The following MMP16 variants were observed in gnomAD, a reference collection of about 807,000 sequenced individuals.
The protein encoded by MMP16 is matrix metallopeptidase 16.
A neutral mutation model predicts 67.8 loss-of-function variants in MMP16; 12 were observed. That is an observed-to-expected ratio of 0.18 (90% CI 0.11 to 0.29). The LOEUF is 0.29. Among genes scored for constraint, MMP16 ranks in the 10% least tolerant of loss-of-function variants. The probability of loss-of-function intolerance (pLI) is 1.00; values close to 1 mark genes in which losing one functional copy is unlikely to be tolerated. For missense variants in MMP16, 475 were observed against 765.7 expected, an observed-to-expected ratio of 0.62 and a Z score of 4.48; for synonymous variants, 249 against 255.9, an observed-to-expected ratio of 0.97 and a Z score of 0.26.
At position 88,036,122 on chromosome 8, in the gene MMP16, T is replaced by G. The variant is rs146895219; in HGVS notation, c.*5339A>C. 4 of 152,054 alleles carry G rather than the reference T, an allele frequency of 2.6e-5. No individual in the cohort carries two copies. Among genetic ancestry groups the G allele is most frequent in the African/African-American group, 9.6e-5 (4 of 41,568 alleles). 9.4% of individuals were successfully genotyped at this position (152,054 alleles called of 1,614,324 possible). A position where few individuals can be genotyped will look rare whatever the true frequency, so the allele number is the denominator to read the frequency against. On this transcript the variant is annotated 3_prime_UTR_variant, in exon 10 of 10. Coordinates refer to ENST00000286614, the MANE Select transcript of MMP16 (RefSeq NM_005941.5). ...TCTCAGGGGATTCTAACATTATATATCTTTCCAACTTGAGGTTACTGAACA... is the reference window on the plus strand; with the variant it reads ...TCTCAGGGGATTCTAACATTATATAGCTTTCCAACTTGAGGTTACTGAACA...
chr8:88,262,169 T>C (rs1810397867), intron 1 of MMP16, among the ~76,000 whole-genome samples: 2 of 152,154 alleles, frequency 1.3e-5, no homozygotes. Context: ...AACAAAATTA[T>C]AAAACATACT....
In MMP16 at chr8:88,150,779, C is replaced by T. The variant is rs1346048836; in HGVS notation, c.709+16890G>A. Among the ~76,000 whole-genome samples, 24 of 151,664 alleles carry T rather than the reference C, an allele frequency of 1.6e-4. No individual in the cohort carries two copies. In the South Asian group the frequency reaches 4.2e-3, roughly 27 times the overall value. On this transcript the variant is annotated intron_variant, in intron 4 of 9. Coordinates refer to ENST00000286614, the MANE Select transcript of MMP16 (RefSeq NM_005941.5). ...AATCATGCCAAAATGTAAAGACCAT[C>T]GATGCTAGGAAGAAACTGCATCAAC...
chr8:88,109,195 T>C (rs1809292587), intron 6 of MMP16, among the ~76,000 whole-genome samples: 1 of 151,416 alleles, frequency 6.6e-6, no homozygotes, highest in East Asian at 1.9e-4. Context: ...ATATTTTCAT[T>C]TATATAGTCT....
chr8:88,195,665 A>G (rs1809238207), intron 2 of MMP16, among the ~76,000 whole-genome samples: 1 of 152,180 alleles, frequency 6.6e-6, no homozygotes, highest in Non-Finnish European at 1.5e-5. Flanking sequence ...AGAGAATTGC[A>G]GTGATTAGAG....
intron 1 of MMP16, among the ~76,000 whole-genome samples, chr8:88,234,297 A>G (rs1373452896): frequency 6.6e-5 from 10 of 152,238 alleles, no homozygotes; most frequent in Non-Finnish European, 1.5e-4. Context: ...AATATAAGCT[A>G]GAACTTGGGT....
chr8:88,227,986 G>T lies in MMP16; in HGVS notation c.133-30680C>A, dbSNP rs561979647. Among the ~76,000 whole-genome samples the T allele has an allele frequency of 9.9e-5, 15 of 152,196 alleles. No individual in the cohort carries two copies. In the East Asian group the frequency reaches 2.9e-3, roughly 29 times the overall value. On this transcript the variant is annotated intron_variant, in intron 1 of 9. Coordinates refer to ENST00000286614, the MANE Select transcript of MMP16 (RefSeq NM_005941.5). ...CAATTTAGGAATTGGCAATGACTAT[G>T]TACAGAAAATTCCTAGAAGAAATAC...
chr8:88,231,237 G>A (rs1484821990), intron 1 of MMP16, among the ~76,000 whole-genome samples: 2 of 152,054 alleles, frequency 1.3e-5, no homozygotes, highest in East Asian at 1.9e-4. Flanking sequence ...ATTCTCTAAC[G>A]ATTCACTGAA....
chr8:88,112,666 G>GGGTTGTGTGTGTGTGTGT lies in MMP16; in HGVS notation c.1083+3840_1083+3841insACACACACACACACAACC, dbSNP rs1554578643. ...AATTTTTCATGCATAAGGACAGAAG[G>GGGTTGTGTGTGTGTGTGT]GTGTGTGTGTGTGTGTGTCTGTGTG... is the stretch of plus-strand genomic sequence containing the variant. On this transcript the variant is annotated intron_variant, in intron 6 of 9. Transcript: ENST00000286614. Among the ~76,000 whole-genome samples the GGGTTGTGTGTGTGTGTGT allele has an allele frequency of 1.0e-4, 15 of 146,904 alleles. No individual in the cohort carries two copies. The East Asian group carries it at 3.0e-3, about 30-fold the overall frequency.
chr8:88,210,686 A>G (rs1676354920), intron 1 of MMP16, among the ~76,000 whole-genome samples: 2 of 152,160 alleles, frequency 1.3e-5, no homozygotes, highest in Admixed American at 1.3e-4. Flanking sequence ...AGCAAGGTAC[A>G]ATAGGTGGTA....
intron 1 of MMP16, among the ~76,000 whole-genome samples, chr8:88,245,967 C>T (rs532158613): frequency 6.6e-6 from 1 of 152,246 alleles, no homozygotes; most frequent in Admixed American, 6.5e-5. Flanking sequence ...GTTCACTTTT[C>T]TCTTCTAAAA....
At chr8:88,291,521 A>C (rs1810925793) in intron 1 of MMP16, among the ~76,000 whole-genome samples, 1 of 152,176 alleles carries the variant, frequency 6.6e-6, no homozygotes, top group Admixed American at 6.5e-5. Context: ...TCTAATGATC[A>C]TTGTTCACTC....
intron 8 of MMP16, among the ~76,000 whole-genome samples, chr8:88,049,539 G>A (rs538586775): frequency 9.9e-5 from 15 of 152,034 alleles, no homozygotes; most frequent in Non-Finnish European, 2.1e-4. Context: ...CCTATTTCAT[G>A]GATCCTAAGA....
intron 1 of MMP16, among the ~76,000 whole-genome samples, chr8:88,246,549 T>C (rs956507951): frequency 6.6e-6 from 1 of 152,144 alleles, no homozygotes; most frequent in African/African-American, 2.4e-5. Context: ...TATACAAAAA[T>C]ATACCAAATG....
chr8:88,239,342 G>A (rs1053230345), intron 1 of MMP16, among the ~76,000 whole-genome samples: 15 of 145,764 alleles, frequency 1.0e-4, no homozygotes, highest in Admixed American at 2.7e-4. Context: ...TTAAAACAGT[G>A]TTTTCACTTT....
chr8:88,117,796 G>A (rs1165937531), intron 5 of MMP16, among the ~76,000 whole-genome samples: 3 of 151,876 alleles, frequency 2.0e-5, no homozygotes, highest in Admixed American at 2.0e-4. Context: ...CTTAAACTAT[G>A]CTGCTTAAAA....
chr8:88,322,990 C>T (rs1016398772), intron 1 of MMP16, among the ~76,000 whole-genome samples: 1 of 152,092 alleles, frequency 6.6e-6, no homozygotes, highest in Non-Finnish European at 1.5e-5. Context: ...ATATTTGAGA[C>T]GTTTTGTTAA....
chr8:88,125,451 T>G (rs1807911141), intron 4 of MMP16, among the ~76,000 whole-genome samples: 1 of 151,868 alleles, frequency 6.6e-6, no homozygotes, highest in Admixed American at 6.6e-5. Context: ...AGAAAAAGTA[T>G]TTTCAGAAAT....
At chr8:88,301,756 A>G (rs1176461377) in intron 1 of MMP16, among the ~76,000 whole-genome samples, 1 of 152,202 alleles carries the variant, frequency 6.6e-6, no homozygotes, top group African/African-American at 2.4e-5. Context: ...TTAAAACTGA[A>G]TTTGTTGAAG....
chr8:88,297,831 T>C (rs1371840558), intron 1 of MMP16, among the ~76,000 whole-genome samples: 1 of 152,166 alleles, frequency 6.6e-6, no homozygotes, highest in Non-Finnish European at 1.5e-5. Context: ...GAGTTAAAAA[T>C]GGAACGAGGT....
Sources: gnomAD v4.1 joint callset for allele counts (sites outside exome capture counted in the v4.1 genomes callset) on GRCh38, gnomAD v4.1.1 for gene constraint, MANE v1.5 for transcripts, NCBI Gene and HGNC (gene_info 2026-07-23, HGNC 2026-07-21) for gene names.